EPHA3: variants seen among roughly 807,000 people sequenced by gnomAD.
The protein encoded by EPHA3 is EPH receptor A3.
Under a neutral mutation model 107.1 loss-of-function variants are expected in EPHA3, and 42 were observed. That is an observed-to-expected ratio of 0.39 (90% CI 0.31 to 0.51). The LOEUF (loss-of-function observed/expected upper bound fraction) is 0.51, where lower values mean the gene tolerates loss of function less well. Among genes scored for constraint, EPHA3 ranks in the 20% least tolerant of loss-of-function variants. The pLI, the probability that EPHA3 is intolerant of heterozygous loss-of-function variation, is 0.78. For missense variants in EPHA3, 1,183 were observed against 1,211.2 expected, an observed-to-expected ratio of 0.98 and a Z score of 0.35; for synonymous variants, 461 against 424.8, an observed-to-expected ratio of 1.09 and a Z score of -1.05.
rs1469427775 is a variant in EPHA3 at position 89,210,152 on chromosome 3, A to T, written c.446A>T (p.Asp149Val). The change falls in exon 3 of 17, where the codon GAT (aspartate) becomes GTT (valine). Residue 149 changes from aspartate to valine, a missense_variant. Physicochemically the swap from Asp to Val is radical, Grantham distance 152. Transcript: ENST00000336596. ...QFTKIDTIAA[D>V]ESFTQMDLGD... ...ACAAAGATTGACACCATTGCAGCTG[A>T]TGAAAGTTTCACTCAAATGGATCTT... 6.2e-7 allele frequency: 1 copy of T among 1,614,014 alleles called. No individual in the cohort carries two copies. The highest frequency in any genetic ancestry group is 8.5e-7 in the Non-Finnish European group (1 of 1,179,916).
chr3:89,354,930 T>C lies in EPHA3; in HGVS notation c.1306+12840T>C, dbSNP rs1707911212. On this transcript the variant is annotated intron_variant, in intron 5 of 16. Coordinates refer to ENST00000336596, the MANE Select transcript of EPHA3 (RefSeq NM_005233.6). ...TATAAAGATGGTTATTTTATTATAG[T>C]AAAATCTTGACTGCCTGGTACACAG... Among the ~76,000 whole-genome samples the C allele has an allele frequency of 6.0e-5, 9 of 151,228 alleles. No individual in the cohort carries two copies. In the South Asian group the frequency reaches 1.9e-3, roughly 31 times the overall value.
At chr3:89,187,304 C>T (rs959041344) in intron 2 of EPHA3, among the ~76,000 whole-genome samples, 19 of 147,210 alleles carry the variant, frequency 1.3e-4, no homozygotes, top group South Asian at 2.2e-4. Context: ...TATACATTAC[C>T]GATTTATTAG....
chr3:89,263,084 C>T (rs965754168), intron 3 of EPHA3, among the ~76,000 whole-genome samples: 2 of 150,176 alleles, frequency 1.3e-5, no homozygotes, highest in African/African-American at 4.9e-5. Context: ...ACCCATCAAC[C>T]CGTCATCTTC....
At chr3:89,383,543 C>T (rs1023795289) in intron 5 of EPHA3, among the ~76,000 whole-genome samples, 3 of 151,928 alleles carry the variant, frequency 2.0e-5, no homozygotes, top group Non-Finnish European at 4.4e-5. Flanking sequence ...CCTGAATGAC[C>T]CTCACTCAGA....
chr3:89,219,065 T>A (rs904279969), intron 3 of EPHA3, among the ~76,000 whole-genome samples: 6 of 152,192 alleles, frequency 3.9e-5, no homozygotes, highest in Non-Finnish European at 5.9e-5. Context: ...GTTTAGAGAC[T>A]CATAATCTGC....
At chr3:89,270,808 C>A (rs1705650250) in intron 3 of EPHA3, among the ~76,000 whole-genome samples, 1 of 151,744 alleles carries the variant, frequency 6.6e-6, no homozygotes, top group South Asian at 2.1e-4. Context: ...GCTCCTCTAG[C>A]AAATTATTTC....
intron 3 of EPHA3, among the ~76,000 whole-genome samples, chr3:89,230,220 G>T (rs1252728754): frequency 2.6e-5 from 4 of 152,046 alleles, no homozygotes; most frequent in Non-Finnish European, 4.4e-5. Context: ...AGAATAGAAA[G>T]GTTTCAAGAA....
chr3:89,312,130 T>A (rs1218398019), intron 3 of EPHA3, among the ~76,000 whole-genome samples: 3 of 152,084 alleles, frequency 2.0e-5, no homozygotes, highest in African/African-American at 7.2e-5. Flanking sequence ...ATTTCCTGGT[T>A]TCACTTCTTT....
chr3:89,353,284 C>T (rs1285736577), intron 5 of EPHA3, among the ~76,000 whole-genome samples: 1 of 151,258 alleles, frequency 6.6e-6, no homozygotes, highest in Non-Finnish European at 1.5e-5. Flanking sequence ...TCTTTCAGAA[C>T]ATGAAGGTAG....
chr3:89,226,254 A>G (rs1348711466), intron 3 of EPHA3, among the ~76,000 whole-genome samples: 1 of 152,096 alleles, frequency 6.6e-6, no homozygotes, highest in Non-Finnish European at 1.5e-5. Context: ...AATTGGAGCT[A>G]ACAAGAGATA....
At chr3:89,369,654 A>G (rs1708252964) in intron 5 of EPHA3, among the ~76,000 whole-genome samples, 1 of 148,828 alleles carries the variant, frequency 6.7e-6, no homozygotes, top group African/African-American at 2.5e-5. Context: ...AAATTGACAA[A>G]TGGGATCTAA....
At chr3:89,349,819 C>CA (rs1447831249) in intron 5 of EPHA3, among the ~76,000 whole-genome samples, 1 of 148,408 alleles carries the variant, frequency 6.7e-6, no homozygotes, top group East Asian at 2.0e-4. Flanking sequence ...CTGGTGGTGA[C>CA]AAAATCTCTC....
intron 2 of EPHA3, among the ~76,000 whole-genome samples, chr3:89,161,216 A>AAAAAAG (rs1239097694): frequency 2.0e-4 from 18 of 90,114 alleles, no homozygotes; most frequent in African/African-American, 6.7e-4. Flanking sequence ...AAACTAGAAT[A>AAAAAAG]AAAAAGGAAA....
chr3:89,145,272 CACAA>C (rs1249336565), intron 2 of EPHA3, among the ~76,000 whole-genome samples: 4 of 77,432 alleles, frequency 5.2e-5, no homozygotes, highest in Non-Finnish European at 1.1e-4. Context: ...TACATATATT[CACAA>C]ACAGACACAC....
chr3:89,123,625 TA>T (rs1704017165), intron 1 of EPHA3, among the ~76,000 whole-genome samples: 1 of 152,112 alleles, frequency 6.6e-6, no homozygotes, highest in Non-Finnish European at 1.5e-5. Context: ...CATCTCTATT[TA>T]AAAGCAATTA....
At chr3:89,395,127 G>A (rs548538429) in intron 5 of EPHA3, among the ~76,000 whole-genome samples, 1 of 152,230 alleles carries the variant, frequency 6.6e-6, no homozygotes, top group Admixed American at 6.5e-5. Flanking sequence ...AGCAAATGTA[G>A]AATCACCATC....
intron 15 of EPHA3, among the ~76,000 whole-genome samples, chr3:89,459,796 T>C (rs1710184822): frequency 6.6e-6 from 1 of 152,172 alleles, no homozygotes; most frequent in African/African-American, 2.4e-5. Context: ...TTGCTGAGAA[T>C]TCAGGCTTAA....
At chr3:89,357,443 A>G (rs1358782283) in intron 5 of EPHA3, among the ~76,000 whole-genome samples, 2 of 151,140 alleles carry the variant, frequency 1.3e-5, no homozygotes, top group Non-Finnish European at 3.0e-5. Context: ...TACCATAGAT[A>G]TTTTAAAGAA....
intron 3 of EPHA3, among the ~76,000 whole-genome samples, chr3:89,266,757 T>C (rs1185087210): frequency 1.3e-5 from 2 of 152,110 alleles, no homozygotes; most frequent in Admixed American, 1.3e-4. Flanking sequence ...ACAATTGGTT[T>C]TATTAAAAAA....
Sources: gnomAD v4.1 joint callset for allele counts (sites outside exome capture counted in the v4.1 genomes callset) on GRCh38, gnomAD v4.1.1 for gene constraint, MANE v1.5 for transcripts, NCBI Gene and HGNC (gene_info 2026-07-23, HGNC 2026-07-21) for gene names.